USP24: variants seen among roughly 807,000 people sequenced by gnomAD.
USP24 encodes ubiquitin carboxyl-terminal hydrolase 24.
USP24 carries 97 observed loss-of-function variants against 361.6 expected under a neutral mutation model. That is an observed-to-expected ratio of 0.27 (90% CI 0.23 to 0.32). USP24 has a LOEUF of 0.32. USP24 is among the 10% of genes least tolerant of loss of function. The pLI, the probability that USP24 is intolerant of heterozygous loss-of-function variation, is 1.00. For missense variants in USP24, 2,353 were observed against 3,165.6 expected, an observed-to-expected ratio of 0.74 and a Z score of 6.16; for synonymous variants, 1,098 against 1,124.6, an observed-to-expected ratio of 0.98 and a Z score of 0.47.
At chr1:55,160,181 A>G (rs530123610) in intron 8 of USP24, among the ~76,000 whole-genome samples, 2 of 152,352 alleles carry the variant, frequency 1.3e-5, no homozygotes, top group East Asian at 3.9e-4. Context: ...TGAGAATGGT[A>G]AAGTATTAGC....
At chr1:55,071,568 G>C (rs1644919407) in intron 67 of USP24, 1 of 1,312,010 alleles carries the variant, frequency 7.6e-7, no homozygotes, top group African/African-American at 1.5e-5. Flanking sequence ...CCTGCAGGCT[G>C]ATCAGGGTGG....
chr1:55,157,085 A>G, intron 11 of USP24, 34 bp from the exon 12 acceptor site: 1 of 1,531,320 alleles, frequency 6.5e-7, no homozygotes, highest in Non-Finnish European at 9.0e-7. Flanking sequence ...AAAGTCAGAT[A>G]TAGTGAACAC....
intron 55 of USP24, among the ~76,000 whole-genome samples, chr1:55,086,975 G>A (rs751424356): frequency 3.9e-5 from 6 of 152,102 alleles, no homozygotes; most frequent in Non-Finnish European, 8.8e-5. Flanking sequence ...GAATTCTTTA[G>A]ATCAATCTGT....
rs541550293 is a variant in USP24 at position 55,120,750 on chromosome 1, G to A, written c.4354C>T (p.Arg1452Trp). ...GTGTACAGCTGATCACAGGCAACCC[G>A]GCGAATCTGAAATTACATGATCAGC... is the stretch of plus-strand genomic sequence containing the variant. ...LLGSPSAEIR[R>W]VACDQLYTLS... Residue 1452 changes from arginine (R) to tryptophan (W), a missense_variant, in exon 38 of 68, where the codon CGG (arginine) becomes TGG (tryptophan). By Grantham distance (101) the Arg-to-Trp change is moderately radical. Around this residue, in one of 8 missense-constraint regions of USP24, gnomAD observed 949 missense variants for 1,280.5 expected, o/e 0.74. Coordinates refer to ENST00000294383, the MANE Select transcript of USP24 (RefSeq NM_015306.3). 7.0e-6 allele frequency: 11 copies of A among 1,565,000 alleles called. No individual in the cohort carries two copies. Among genetic ancestry groups the A allele is most frequent in the African/African-American group, 2.7e-5 (2 of 73,662 alleles).
chr1:55,144,038 A>C lies in USP24; in HGVS notation c.2439+89T>G, dbSNP rs1570531045. On this transcript the variant is annotated intron_variant, in intron 21 of 67. Coordinates refer to ENST00000294383, the MANE Select transcript of USP24 (RefSeq NM_015306.3). ...GTTCTTTACCAAAAAAATCCATGTT[A>C]TCTCTCAATTATAACACTTTTTTTT... is the stretch of plus-strand genomic sequence containing the variant. 7 of 1,084,652 alleles carry C rather than the reference A, an allele frequency of 6.5e-6. No individual in the cohort carries two copies. In the East Asian group the frequency reaches 1.4e-4, roughly 22 times the overall value. 67.2% of individuals were successfully genotyped at this position (1,084,652 alleles called of 1,614,324 possible). A position where few individuals can be genotyped will look rare whatever the true frequency, so the allele number is the denominator to read the frequency against.
intron 31 of USP24, among the ~76,000 whole-genome samples, 199 bp from the exon 32 acceptor site, chr1:55,129,773 A>C (rs1484283975): frequency 6.6e-6 from 1 of 152,210 alleles, no homozygotes; most frequent in Non-Finnish European, 1.5e-5. Context: ...TGGAAGAAAA[A>C]TCTTTCCGTT....
chr1:55,125,310 A>G lies in USP24; in HGVS notation c.3960+10T>C, dbSNP rs1371785466. The stretch of plus-strand genomic sequence containing the variant: ...GGGACTAAAATGTCTTGAATACACA[A>G]ATCACTTACTTGTATTGCAACTCGA... On this transcript the variant is annotated intron_variant, in intron 34 of 67. Coordinates refer to ENST00000294383, the MANE Select transcript of USP24 (RefSeq NM_015306.3). 1 of 1,611,736 alleles carries G rather than the reference A, an allele frequency of 6.2e-7. No homozygotes were observed. The highest frequency in any genetic ancestry group is 1.3e-5 in the African/African-American group (1 of 74,980).
chr1:55,110,396 G>C, intron 38 of USP24, 150 bp from the exon 39 acceptor site: 1 of 608,020 alleles, frequency 1.6e-6, no homozygotes, highest in Non-Finnish European at 2.8e-6. Flanking sequence ...CCATATTTTA[G>C]CAAGAAGCAT....
rs200050657 is a variant in USP24 at position 55,165,085 on chromosome 1, T to C, written c.927+800A>G. Among the ~76,000 whole-genome samples the C allele has an allele frequency of 2.6e-5, 4 of 152,052 alleles. No homozygotes were observed. In the East Asian group the frequency reaches 5.8e-4, roughly 22 times the overall value. On this transcript the variant is annotated intron_variant, in intron 7 of 67. Transcript: ENST00000294383. ...CACCATCAGTCTCTCTCCTTGAGCA[T>C]TGCTATTTCCTTCACCCATAGAGGG...
intron 38 of USP24, among the ~76,000 whole-genome samples, chr1:55,114,071 A>G (rs1337632516): frequency 6.6e-6 from 1 of 152,230 alleles, no homozygotes; most frequent in Non-Finnish European, 1.5e-5. Flanking sequence ...AGGATACAAA[A>G]TCAATGTGCA....
intron 5 of USP24, among the ~76,000 whole-genome samples, chr1:55,168,961 A>G (rs759423048): frequency 7.2e-6 from 1 of 139,656 alleles, no homozygotes; most frequent in Admixed American, 6.8e-5. Context: ...GAACAAACAA[A>G]TAAGTATACA....
chr1:55,079,018 T>C (rs1162373403), intron 60 of USP24, among the ~76,000 whole-genome samples: 2 of 151,378 alleles, frequency 1.3e-5, no homozygotes, highest in East Asian at 1.9e-4. Context: ...CAGAATTATA[T>C]TGTTCATAGA....
chr1:55,116,746 G>C (rs1472742039), intron 38 of USP24, among the ~76,000 whole-genome samples: 2 of 151,234 alleles, frequency 1.3e-5, no homozygotes, highest in Non-Finnish European at 2.9e-5. Flanking sequence ...GGACCAGATG[G>C]CTTCACTGGT....
intron 46 of USP24, 82 bp downstream of exon 46, chr1:55,098,394 C>A: frequency 7.7e-7 from 1 of 1,299,732 alleles, no homozygotes; most frequent in East Asian, 2.5e-5. Context: ...AGTCTCTTAA[C>A]AAATGCAAAA....
Position 55,084,009 on chromosome 1 carries a change from C to T in USP24, c.6766-121G>A, listed in dbSNP as rs1310289207. On this transcript the variant is annotated intron_variant, in intron 56 of 67. Coordinates refer to ENST00000294383, the MANE Select transcript of USP24 (RefSeq NM_015306.3). ...AGGAAAGTCTGATACAATCCAGTCTCAGATTCAGATGGACTTATGCTTTGA... is the reference window on the plus strand; with the variant it reads ...AGGAAAGTCTGATACAATCCAGTCTTAGATTCAGATGGACTTATGCTTTGA... The T allele has an allele frequency of 4.0e-6, 3 of 753,838 alleles. No homozygotes were observed. The Admixed American group carries it at 9.3e-5, about 23-fold the overall frequency. The allele number at this position is 753,838 out of a possible 1,614,324, so 46.7% of individuals were successfully genotyped here.
intron 28 of USP24, among the ~76,000 whole-genome samples, chr1:55,136,244 A>C (rs1427120316): frequency 2.6e-5 from 4 of 152,120 alleles, no homozygotes; most frequent in Non-Finnish European, 4.4e-5. Context: ...CAGTTTAGGC[A>C]CAGGGAAGAG....
chr1:55,200,240 T>G lies in USP24; in HGVS notation c.324+14550A>C, dbSNP rs142684227. ...GACCATTTTCTAATATTTTACTAAG[T>G]ACTTTTCCACAACATTCCCTACTCT... On this transcript the variant is annotated intron_variant, in intron 1 of 67. Coordinates refer to ENST00000294383, the MANE Select transcript of USP24 (RefSeq NM_015306.3). 3.9e-3 allele frequency among the ~76,000 whole-genome samples: 589 copies of G among 152,378 alleles called. 5 individuals carry two copies. Among genetic ancestry groups the G allele is most frequent in the African/African-American group, 0.013 (552 of 41,598 alleles).
intron 52 of USP24, chr1:55,093,683 T>G (rs1369335922): frequency 5.8e-6 from 2 of 344,724 alleles, no homozygotes; most frequent in African/African-American, 4.1e-5. Context: ...TTGTGACATT[T>G]CACACTCACA....
chr1:55,142,388 A>G (rs1570525369), intron 23 of USP24, among the ~76,000 whole-genome samples: 1 of 152,206 alleles, frequency 6.6e-6, no homozygotes, highest in East Asian at 1.9e-4. Context: ...CAAAAAAAGA[A>G]GCAGTGCTTA....
Sources: allele counts gnomAD v4.1 joint callset (sites outside exome capture counted in the v4.1 genomes callset), GRCh38; gene constraint gnomAD v4.1.1; regional missense constraint gnomAD v4.1.1; transcripts MANE v1.5; gene names NCBI Gene and HGNC (gene_info 2026-07-23, HGNC 2026-07-21).